The following GALNTL6 variants were observed in gnomAD, a reference collection of about 807,000 sequenced individuals.
GALNTL6 encodes polypeptide N-acetylgalactosaminyltransferase-like 6.
Under a neutral mutation model 73.7 loss-of-function variants are expected in GALNTL6, and 46 were observed. That is an observed-to-expected ratio of 0.62 (90% CI 0.49 to 0.80). GALNTL6 has a LOEUF of 0.80. Among genes scored for constraint, GALNTL6 ranks in the 30% least tolerant of loss-of-function variants. The pLI is 0.00. For synonymous variants in GALNTL6, 259 were observed against 263.7 expected, an observed-to-expected ratio of 0.98 and a Z score of 0.17; for missense variants, 604 against 755.0, an observed-to-expected ratio of 0.80 and a Z score of 2.34.
At chr4:171,962,712 C>T (rs766743386) in intron 2 of GALNTL6, among the ~76,000 whole-genome samples, 56 of 149,714 alleles carry the variant, frequency 3.7e-4, no homozygotes, top group Non-Finnish European at 6.1e-4. Flanking sequence ...AGCTGCATTG[C>T]GTATGGAGTA....
At chr4:172,594,644 A>G (rs889086973) in intron 5 of GALNTL6, among the ~76,000 whole-genome samples, 5 of 152,188 alleles carry the variant, frequency 3.3e-5, no homozygotes, top group Non-Finnish European at 5.9e-5. Context: ...CCTTTTTCAC[A>G]GTCCTATTTT....
At chr4:172,209,484 T>C (rs1579257501) in intron 2 of GALNTL6, among the ~76,000 whole-genome samples, 1 of 151,134 alleles carries the variant, frequency 6.6e-6, no homozygotes, top group African/African-American at 2.4e-5. Flanking sequence ...AGACCAGCCA[T>C]TTAAAAAATA....
intron 2 of GALNTL6, among the ~76,000 whole-genome samples, chr4:172,226,010 G>T (rs537800831): frequency 6.6e-6 from 1 of 152,204 alleles, no homozygotes; most frequent in African/African-American, 2.4e-5. Flanking sequence ...TAGTGGCTGA[G>T]AATGCCTAAG....
At chr4:172,330,429 T>A (rs542228514) in intron 4 of GALNTL6, among the ~76,000 whole-genome samples, 1 of 152,342 alleles carries the variant, frequency 6.6e-6, no homozygotes, top group East Asian at 1.9e-4. Context: ...TGCTCCTGAG[T>A]GGGCATTCAT....
chr4:172,727,048 T>C (rs767703372), intron 5 of GALNTL6, among the ~76,000 whole-genome samples: 37 of 152,210 alleles, frequency 2.4e-4, no homozygotes, highest in Non-Finnish European at 4.7e-4. Context: ...AACTATAAAA[T>C]GTGTAAATGA....
At chr4:172,362,519 A>G (rs1178018167) in intron 5 of GALNTL6, among the ~76,000 whole-genome samples, 1 of 151,958 alleles carries the variant, frequency 6.6e-6, no homozygotes, top group African/African-American at 2.4e-5. Context: ...CTCTTCTGCT[A>G]TATTTTTCTT....
intron 2 of GALNTL6, among the ~76,000 whole-genome samples, chr4:171,908,008 AG>A (rs1274655273): frequency 6.6e-6 from 1 of 151,990 alleles, no homozygotes; most frequent in East Asian, 1.9e-4. Flanking sequence ...GATGGATTAA[AG>A]ACTTAAACGT....
intron 2 of GALNTL6, among the ~76,000 whole-genome samples, chr4:172,101,479 A>C (rs1732518287): frequency 6.6e-6 from 1 of 152,200 alleles, no homozygotes. Context: ...TGTATTAAAA[A>C]GTGCAAAAAA....
At chr4:171,872,710 T>A (rs1334760134) in intron 2 of GALNTL6, among the ~76,000 whole-genome samples, 3 of 152,220 alleles carry the variant, frequency 2.0e-5, no homozygotes, top group Non-Finnish European at 4.4e-5. Flanking sequence ...TGTGTCAGTC[T>A]GTTTCCAAAT....
In GALNTL6 at chr4:172,892,653, TG is replaced by T. The variant is rs752806906; in HGVS notation, c.1041+9747del. On this transcript the variant is annotated intron_variant, in intron 8 of 12. Coordinates refer to ENST00000506823, the MANE Select transcript of GALNTL6 (RefSeq NM_001034845.3). ...CTGCATATGCCCTTACACCTTTTTT[TG>T]TTGTTGTTACTGACTGCTGCATATG... Among the ~76,000 whole-genome samples, 17 of 151,882 alleles carry T rather than the reference TG, an allele frequency of 1.1e-4. 1 individual carries two copies. In the East Asian group the frequency reaches 1.4e-3, roughly 12 times the overall value.
intron 2 of GALNTL6, among the ~76,000 whole-genome samples, chr4:172,229,239 TACA>T: frequency 6.6e-6 from 1 of 152,216 alleles, no homozygotes; most frequent in Non-Finnish European, 1.5e-5. Flanking sequence ...CTAATGTTAC[TACA>T]AAGCCGTTCA....
chr4:172,873,693 CT>C (rs1745055001), intron 7 of GALNTL6, among the ~76,000 whole-genome samples: 1 of 152,196 alleles, frequency 6.6e-6, no homozygotes, highest in Non-Finnish European at 1.5e-5. Context: ...TTTTTCCAGA[CT>C]TTTGATAAGT....
chr4:172,626,715 T>C (rs1224231998), intron 5 of GALNTL6, among the ~76,000 whole-genome samples: 2 of 152,140 alleles, frequency 1.3e-5, no homozygotes, highest in Non-Finnish European at 1.5e-5. Flanking sequence ...ATCTTTCACC[T>C]TTTTGGTGAG....
chr4:172,869,129 A>G (rs1189964102), intron 7 of GALNTL6, among the ~76,000 whole-genome samples: 1 of 152,218 alleles, frequency 6.6e-6, no homozygotes, highest in East Asian at 1.9e-4. Flanking sequence ...TATCTTTAAA[A>G]AGCAGAAAGT....
chr4:172,743,631 G>A (rs773010608), intron 5 of GALNTL6, among the ~76,000 whole-genome samples: 1 of 151,974 alleles, frequency 6.6e-6, no homozygotes, highest in Non-Finnish European at 1.5e-5. Context: ...TATCATGATG[G>A]CATCAGTGTA....
chr4:172,328,524 C>G (rs1481785091), intron 4 of GALNTL6, among the ~76,000 whole-genome samples: 1 of 152,120 alleles, frequency 6.6e-6, no homozygotes, highest in Non-Finnish European at 1.5e-5. Flanking sequence ...TTCAAGGAGG[C>G]CAGTGATTCC....
chr4:172,350,395 T>C (rs167991), intron 5 of GALNTL6, among the ~76,000 whole-genome samples: 55,419 of 151,984 alleles, frequency 0.36, 10,795 homozygotes, highest in East Asian at 0.54. Flanking sequence ...TCCAAATCAC[T>C]GTCACCTTTG....
chr4:172,149,938 A>G (rs1350509200), intron 2 of GALNTL6, among the ~76,000 whole-genome samples: 1 of 152,234 alleles, frequency 6.6e-6, no homozygotes, highest in African/African-American at 2.4e-5. Flanking sequence ...AGTAACTGCC[A>G]CAAACTGCAC....
At chr4:172,174,713 G>A (rs1273475509) in intron 2 of GALNTL6, among the ~76,000 whole-genome samples, 1 of 152,130 alleles carries the variant, frequency 6.6e-6, no homozygotes, top group Non-Finnish European at 1.5e-5. Flanking sequence ...CTAAACATGT[G>A]TGGATCCCTT....
Sources: allele counts gnomAD v4.1 joint callset (sites outside exome capture counted in the v4.1 genomes callset), GRCh38; gene constraint gnomAD v4.1.1; transcripts MANE v1.5; gene names NCBI Gene and HGNC (gene_info 2026-07-23, HGNC 2026-07-21).